The following TLE4 variants were observed in gnomAD, a reference collection of about 807,000 sequenced individuals.
TLE4 encodes TLE family member 4, transcriptional corepressor, also known as transducin-like enhancer protein 4.
TLE4 carries 8 observed loss-of-function variants against 92.8 expected under a neutral mutation model. The observed-to-expected ratio is 0.09, with a 90% confidence interval of 0.05 to 0.16. The LOEUF is 0.16. TLE4 is among the 10% of genes least tolerant of loss of function. The pLI is 1.00. For synonymous variants in TLE4, 371 were observed against 374.1 expected (o/e 0.99, Z 0.10); for missense variants, 675 against 997.6 (o/e 0.68, Z 4.36).
chr9:79,632,791 T>C (rs941833284), intron 6 of TLE4, among the ~76,000 whole-genome samples: 1 of 152,220 alleles, frequency 6.6e-6, no homozygotes, highest in African/African-American at 2.4e-5. Flanking sequence ...TATCAGAGAT[T>C]GTTATTTCAG....
chr9:79,642,143 G>A, intron 6 of TLE4, among the ~76,000 whole-genome samples: 1 of 151,746 alleles, frequency 6.6e-6, no homozygotes. Flanking sequence ...TGACATCTGA[G>A]GTTCATTCCA....
intron 8 of TLE4, among the ~76,000 whole-genome samples, chr9:79,697,584 A>T (rs2068609509): frequency 6.6e-6 from 1 of 152,120 alleles, no homozygotes; most frequent in African/African-American, 2.4e-5. Flanking sequence ...AGCTAAAGTA[A>T]CTGTGTTCAA....
At position 79,655,196 on chromosome 9, in the gene TLE4, G is replaced by A. The variant is rs536343776; in HGVS notation, c.609+1121G>A. On this transcript the variant is annotated intron_variant, in intron 8 of 19. Transcript: ENST00000376552. ...ACATATGTACACCATTGTATTATGC[G>A]TAATTGTATTACATATGCCATTGTG... 9.2e-5 allele frequency among the ~76,000 whole-genome samples: 14 copies of A among 152,254 alleles called. 2 individuals carry two copies. In the South Asian group the frequency reaches 2.5e-3, roughly 27 times the overall value.
In TLE4 at chr9:79,591,176, G is replaced by A. The variant is rs372073063; in HGVS notation, c.252+14999G>A. On this transcript the variant is annotated intron_variant, in intron 4 of 19. Coordinates refer to ENST00000376552, the MANE Select transcript of TLE4 (RefSeq NM_007005.6). The stretch of plus-strand genomic sequence containing the variant: ...TGTAAAAAATATAAAGCAGTGCAGT[G>A]GATACACAGTTGTGACATAGGTGGA... Among the ~76,000 whole-genome samples, 11 of 152,286 alleles carry A rather than the reference G, an allele frequency of 7.2e-5. No homozygotes were observed. The East Asian group carries it at 1.9e-3, about 27-fold the overall frequency.
At chr9:79,636,570 T>A (rs926230756) in intron 6 of TLE4, among the ~76,000 whole-genome samples, 1 of 152,320 alleles carries the variant, frequency 6.6e-6, no homozygotes, top group African/African-American at 2.4e-5. Flanking sequence ...GCCCATCCTC[T>A]GGATCCTAGA....
intron 14 of TLE4, among the ~76,000 whole-genome samples, chr9:79,710,143 G>A (rs577735697): frequency 2.0e-5 from 3 of 152,314 alleles, no homozygotes; most frequent in South Asian, 4.2e-4. Flanking sequence ...TTCTTATACC[G>A]TGCTCTGGGC....
chr9:79,627,317 G>C (rs757785192), intron 5 of TLE4, 57 bp from the exon 6 acceptor site: 42 of 1,577,320 alleles, frequency 2.7e-5, no homozygotes, highest in Non-Finnish European at 3.4e-5. Context: ...AGGAAAAGCT[G>C]TTCTTGACTG....
At chr9:79,720,694 C>T (rs753254119) in intron 16 of TLE4, among the ~76,000 whole-genome samples, 5 of 152,000 alleles carry the variant, frequency 3.3e-5, no homozygotes, top group African/African-American at 4.8e-5. Flanking sequence ...TGCTAACAAA[C>T]GATTATTGTT....
intron 6 of TLE4, chr9:79,649,750 T>G: frequency 7.8e-7 from 1 of 1,286,714 alleles, no homozygotes; most frequent in Non-Finnish European, 1.0e-6. Flanking sequence ...CATGTATAAC[T>G]ATGATTTCTG....
intron 8 of TLE4, among the ~76,000 whole-genome samples, chr9:79,692,245 C>T (rs895934301): frequency 1.3e-5 from 2 of 151,760 alleles, no homozygotes; most frequent in African/African-American, 2.4e-5. Context: ...AGGAAGAGCG[C>T]GACTTCTGAA....
chr9:79,572,932 TGGAGAGCCGCCCGAAA>T, intron 1 of TLE4, 97 bp downstream of exon 1: 5 of 1,319,482 alleles, frequency 3.8e-6, no homozygotes, highest in Non-Finnish European at 5.1e-6. Flanking sequence ...CGGAGGGGCG[TGGAGAGCCGCCCGAAA>T]TCGGCGCCCC....
At chr9:79,723,090 C>T in intron 19 of TLE4, 55 bp downstream of exon 19, 3 of 1,508,546 alleles carry the variant, frequency 2.0e-6, no homozygotes, top group Non-Finnish European at 2.8e-6. Flanking sequence ...ACTCTCTGTG[C>T]ATTCTCTCAG....
rs535405654 is a variant in TLE4, at chr9:79,637,190, A to G, written c.390+9742A>G. Among the ~76,000 whole-genome samples, 35 of 136,106 alleles carry G rather than the reference A, an allele frequency of 2.6e-4. 1 individual carries two copies. The highest frequency in any genetic ancestry group is 1.1e-3 in the African/African-American group (35 of 31,584). The allele number at this position is 136,106 out of a possible 152,430, so 89.3% of individuals were successfully genotyped here. A position where few individuals can be genotyped will look rare whatever the true frequency, so the allele number is the denominator to read the frequency against. ...AGGTTTATCACCTCCCTAGGCTTGT[A>G]TTCTTTTCCTGAAAAAGGTAACTAA... On this transcript the variant is annotated intron_variant, in intron 6 of 19. Coordinates refer to ENST00000376552, the MANE Select transcript of TLE4 (RefSeq NM_007005.6).
intron 4 of TLE4, among the ~76,000 whole-genome samples, chr9:79,581,352 A>G (rs1199990224): frequency 1.3e-5 from 2 of 152,156 alleles, no homozygotes; most frequent in East Asian, 3.9e-4. Flanking sequence ...ATGAAATTTA[A>G]CCTGTTACAG....
chr9:79,592,554 A>T (rs2042976508), intron 4 of TLE4, among the ~76,000 whole-genome samples: 1 of 152,076 alleles, frequency 6.6e-6, no homozygotes, highest in Admixed American at 6.6e-5. Flanking sequence ...AAGTGCTGGG[A>T]TCACAGGGGT....
intron 8 of TLE4, among the ~76,000 whole-genome samples, chr9:79,685,284 C>T (rs376260430): frequency 3.9e-5 from 6 of 151,992 alleles, no homozygotes; most frequent in East Asian, 1.9e-4. Flanking sequence ...AAAACATGCC[C>T]GTTGTTCTTT....
chr9:79,708,789 G>A lies in TLE4; in HGVS notation c.1263+3G>A, dbSNP rs1345745824. 6.3e-7 allele frequency: 1 copy of A among 1,598,414 alleles called. No homozygotes were observed. Among genetic ancestry groups the A allele is most frequent in the African/African-American group, 1.3e-5 (1 of 74,714 alleles). The stretch of plus-strand genomic sequence containing the variant: ...CTGCCTATGGGAGATCACCAGTGGT[G>A]CGTTTGTGAGCTTCACAAATAATAT... On this transcript the variant is annotated splice_donor_region_variant and intron_variant, in intron 13 of 19. Transcript: ENST00000376552.
chr9:79,604,498 A>C (rs1439922662), intron 4 of TLE4, among the ~76,000 whole-genome samples: 1 of 152,108 alleles, frequency 6.6e-6, no homozygotes, highest in Non-Finnish European at 1.5e-5. Context: ...AGCTTCAAAG[A>C]ATTGGAATTT....
intron 3 of TLE4, 132 bp from the exon 4 acceptor site, chr9:79,576,001 A>C (rs1157921463): frequency 9.9e-6 from 5 of 506,002 alleles, no homozygotes; most frequent in Non-Finnish European, 1.7e-5. Context: ...ATTTATTGGC[A>C]TAGGTTATAT....
Sources: gnomAD v4.1 joint callset for allele counts (sites outside exome capture counted in the v4.1 genomes callset) on GRCh38, gnomAD v4.1.1 for gene constraint, MANE v1.5 for transcripts, NCBI Gene and HGNC (gene_info 2026-07-23, HGNC 2026-07-21) for gene names.